NCALD: variants seen among roughly 807,000 people sequenced by gnomAD.
NCALD encodes neurocalcin delta.
NCALD carries 10 observed loss-of-function variants against 18.6 expected under a neutral mutation model. The observed-to-expected ratio is 0.54, with a 90% confidence interval of 0.33 to 0.91. The LOEUF (loss-of-function observed/expected upper bound fraction) is 0.91, where lower values mean the gene tolerates loss of function less well. Ranked by LOEUF, NCALD falls within the 40% of genes least tolerant of loss-of-function variation. The pLI is 0.03. For missense variants in NCALD, 184 were observed against 247.6 expected, an observed-to-expected ratio of 0.74 and a Z score of 1.72; for synonymous variants, 88 against 87.4, an observed-to-expected ratio of 1.01 and a Z score of -0.04.
At chr8:101,713,280 T>C (rs1045041967) in intron 2 of NCALD, among the ~76,000 whole-genome samples, 3 of 152,154 alleles carry the variant, frequency 2.0e-5, no homozygotes, top group Non-Finnish European at 2.9e-5. Flanking sequence ...TACAGCAGTG[T>C]TTAGAGGGAA....
chr8:101,692,011 C>A lies in NCALD; in HGVS notation c.484+780G>T, dbSNP rs749046949. 203 of 982,348 alleles carry A rather than the reference C, an allele frequency of 2.1e-4. 2 individuals carry two copies. The highest frequency in any genetic ancestry group is 5.2e-4 in the Middle Eastern group (1 of 1,934). The allele number at this position is 982,348 out of a possible 1,614,324, so 60.9% of individuals were successfully genotyped here. A position where few individuals can be genotyped will look rare whatever the true frequency, so the allele number is the denominator to read the frequency against. Reference sequence around the variant, plus strand: ...GATCTGGCAAATTAAATACATGATGCCCCGTTAACTTTGAATTTCAGATAA... The same window carrying A: ...GATCTGGCAAATTAAATACATGATGACCCGTTAACTTTGAATTTCAGATAA... On this transcript the variant is annotated intron_variant, in intron 3 of 3. Transcript: ENST00000220931.
intron 2 of NCALD, among the ~76,000 whole-genome samples, chr8:101,930,729 GGGTCT>G (rs1330897809): frequency 1.3e-5 from 2 of 152,098 alleles, no homozygotes; most frequent in Admixed American, 6.5e-5. Flanking sequence ...GAATTGTATG[GGGTCT>G]TGGCTCTAAA....
chr8:101,930,614 T>C (rs1021365659), intron 2 of NCALD, among the ~76,000 whole-genome samples: 3 of 151,886 alleles, frequency 2.0e-5, no homozygotes, highest in African/African-American at 4.8e-5. Flanking sequence ...GCTCCCAGTT[T>C]AATAAATTAG....
At chr8:101,800,885 G>GGAGGGGA (rs1192101369) in intron 4 of NCALD, among the ~76,000 whole-genome samples, 2 of 79,500 alleles carry the variant, frequency 2.5e-5, no homozygotes, top group African/African-American at 1.1e-4. Context: ...AAAGGAGAGG[G>GGAGGGGA]GAGGGGAGAG....
chr8:101,919,430 G>A (rs1818085709), intron 2 of NCALD, among the ~76,000 whole-genome samples: 1 of 152,048 alleles, frequency 6.6e-6, no homozygotes, highest in African/African-American at 2.4e-5. Context: ...AAGAATCCTA[G>A]AAGAAAACCT....
rs540341575 is a variant in NCALD, at chr8:102,037,180, TTATAAA to T, written c.-209-16897_-209-16892del. ...AATGGCAGGCTCTATTTTAAGCAAC[TTATAAA>T]TATATTAACTTACTTAAACTTTACT... On this transcript the variant is annotated intron_variant, in intron 1 of 6. Coordinates refer to the NCALD transcript ENST00000311028. Among the ~76,000 whole-genome samples the T allele has an allele frequency of 1.8e-3, 278 of 152,294 alleles. 1 individual carries two copies. In the South Asian group the frequency reaches 0.02, roughly 11 times the overall value.
At chr8:101,949,017 A>G (rs1000774119) in intron 2 of NCALD, among the ~76,000 whole-genome samples, 4 of 152,220 alleles carry the variant, frequency 2.6e-5, no homozygotes, top group Non-Finnish European at 4.4e-5. Flanking sequence ...TACCTTACAG[A>G]AAACATCTTA....
At chr8:101,857,235 C>T (rs1815356719) in intron 4 of NCALD, among the ~76,000 whole-genome samples, 1 of 152,128 alleles carries the variant, frequency 6.6e-6, no homozygotes, top group Non-Finnish European at 1.5e-5. Context: ...TCCTCCAACT[C>T]TGTCTCCTTT....
At chr8:101,733,967 T>C (rs1015903901) in intron 1 of NCALD, among the ~76,000 whole-genome samples, 5 of 152,248 alleles carry the variant, frequency 3.3e-5, no homozygotes, top group Non-Finnish European at 7.3e-5. Flanking sequence ...GAGGAGGCTG[T>C]GGCTCTGTAT....
chr8:101,880,262 G>C (rs995496287), intron 4 of NCALD, among the ~76,000 whole-genome samples: 1 of 152,128 alleles, frequency 6.6e-6, no homozygotes, highest in African/African-American at 2.4e-5. Flanking sequence ...CTTACTGCCC[G>C]GGGCCAGCAG....
chr8:101,697,569 C>T (rs1408761286), intron 2 of NCALD, among the ~76,000 whole-genome samples: 4 of 152,110 alleles, frequency 2.6e-5, no homozygotes, highest in African/African-American at 7.2e-5. Flanking sequence ...AAGCCAAATC[C>T]AGCAGCACAT....
At position 101,861,690 on chromosome 8, in the gene NCALD, C is replaced by T. The variant is rs553978816; in HGVS notation, c.-20+25451G>A. ...TAGACAGCTCTGTGTTGAGCACCTG[C>T]TATAAAAGATAACCTTAGGTTTCTA... On this transcript the variant is annotated intron_variant, in intron 4 of 6. Coordinates refer to the NCALD transcript ENST00000311028. Among the ~76,000 whole-genome samples the T allele has an allele frequency of 2.6e-4, 39 of 152,220 alleles. 1 individual carries two copies. The South Asian group carries it at 7.9e-3, about 31-fold the overall frequency.
At chr8:101,761,969 G>A (rs567584403) in intron 1 of NCALD, among the ~76,000 whole-genome samples, 3 of 152,334 alleles carry the variant, frequency 2.0e-5, no homozygotes, top group East Asian at 3.9e-4. Context: ...AGTAGGGAAT[G>A]GTGGAGCAAA....
chr8:101,741,763 CAAAAAAAAAAAAA>C (rs68064092), intron 1 of NCALD, among the ~76,000 whole-genome samples: 3 of 69,794 alleles, frequency 4.3e-5, no homozygotes, highest in African/African-American at 8.6e-5. Context: ...CTCATCTCTA[CAAAAAAAAAAAAA>C]AAAAAAAAAA....
intron 4 of NCALD, among the ~76,000 whole-genome samples, chr8:101,809,924 A>G (rs1586557361): frequency 1.3e-5 from 2 of 152,284 alleles, no homozygotes; most frequent in East Asian, 3.9e-4. Flanking sequence ...ACATTTATAA[A>G]TCTGACTTTT....
At chr8:102,097,483 T>C (rs1563614637) in intron 1 of NCALD, among the ~76,000 whole-genome samples, 1 of 152,224 alleles carries the variant, frequency 6.6e-6, no homozygotes, top group Non-Finnish European at 1.5e-5. Flanking sequence ...CTGTGTGGCT[T>C]GCTCTGTGGC....
chr8:101,973,175 T>G (rs1417918108), intron 2 of NCALD, among the ~76,000 whole-genome samples: 8 of 152,118 alleles, frequency 5.3e-5, no homozygotes, highest in Admixed American at 5.2e-4. Context: ...GGACCACACT[T>G]TGTTCAGATT....
chr8:102,007,931 T>C (rs1330446585), intron 2 of NCALD, among the ~76,000 whole-genome samples: 1 of 152,186 alleles, frequency 6.6e-6, no homozygotes, highest in Non-Finnish European at 1.5e-5. Context: ...TTCAGTTTCT[T>C]TTGTGCTTTT....
chr8:101,995,538 GA>G (rs1821206712), intron 2 of NCALD, among the ~76,000 whole-genome samples: 1 of 152,012 alleles, frequency 6.6e-6, no homozygotes, highest in Non-Finnish European at 1.5e-5. Context: ...ATCACATGGC[GA>G]AAACAGGAGC....
Sources: allele counts gnomAD v4.1 joint callset (sites outside exome capture counted in the v4.1 genomes callset), GRCh38; gene constraint gnomAD v4.1.1; transcripts MANE v1.5; gene names NCBI Gene and HGNC (gene_info 2026-07-23, HGNC 2026-07-21).